Variants in TRPS1 observed in about 807,000 individuals in gnomAD.
TRPS1 encodes zinc finger transcription factor Trps1.
A neutral mutation model predicts 101.2 loss-of-function variants in TRPS1; 6 were observed. The observed-to-expected ratio is 0.06, with a 90% confidence interval of 0.03 to 0.12. The LOEUF (loss-of-function observed/expected upper bound fraction) is 0.12, where lower values mean the gene tolerates loss of function less well. TRPS1 is among the 10% of genes least tolerant of loss of function. The pLI, the probability that TRPS1 is intolerant of heterozygous loss-of-function variation, is 1.00. For synonymous variants in TRPS1, 578 were observed against 589.8 expected (o/e 0.98, Z 0.29); for missense variants, 1,363 against 1,567.0 (o/e 0.87, Z 2.20).
intron 5 of TRPS1, among the ~76,000 whole-genome samples, chr8:115,520,830 G>T (rs1815843172): frequency 1.3e-5 from 2 of 151,928 alleles, no homozygotes; most frequent in South Asian, 4.1e-4. Flanking sequence ...GCTTCAGAAG[G>T]TCACGTTCCT....
intron 5 of TRPS1, among the ~76,000 whole-genome samples, chr8:115,516,024 T>C (rs1367338283): frequency 6.6e-6 from 1 of 151,460 alleles, no homozygotes; most frequent in African/African-American, 2.4e-5. Flanking sequence ...AAACTGAGCA[T>C]ACTAGAGCAT....
At chr8:115,531,321 C>A (rs1816126713) in intron 5 of TRPS1, among the ~76,000 whole-genome samples, 2 of 152,064 alleles carry the variant, frequency 1.3e-5, no homozygotes, top group Admixed American at 1.3e-4. Flanking sequence ...TCAAAGTATT[C>A]TTGTAATCAA....
Position 115,413,186 on chromosome 8 carries a change from T to G in TRPS1, c.*837A>C, listed in dbSNP as rs1812829093. ...CCAACAGGAGGCTTAGAAAAGCAAA[T>G]CCATACTGGTTCATCACACACAAGA... On this transcript the variant is annotated 3_prime_UTR_variant, in exon 7 of 7. Coordinates refer to ENST00000395715, the MANE Select transcript of TRPS1 (RefSeq NM_014112.5). 6.6e-6 allele frequency: 1 copy of G among 151,992 alleles called. No homozygotes were observed. Among genetic ancestry groups the G allele is most frequent in the Non-Finnish European group, 1.5e-5 (1 of 67,984 alleles). 9.4% of individuals were successfully genotyped at this position (151,992 alleles called of 1,614,324 possible). A position where few individuals can be genotyped will look rare whatever the true frequency, so the allele number is the denominator to read the frequency against.
intron 1 of TRPS1, chr8:115,661,495 T>C (rs1811793691): frequency 6.6e-6 from 1 of 152,064 alleles, no homozygotes. Flanking sequence ...GGCAATTACA[T>C]TGCTAGAACT....
At chr8:115,557,795 C>T (rs762246914) in intron 5 of TRPS1, among the ~76,000 whole-genome samples, 50 of 152,252 alleles carry the variant, frequency 3.3e-4, no homozygotes, top group Non-Finnish European at 5.9e-4. Context: ...AAACATGACC[C>T]TTGCATGTCA....
chr8:115,570,432 T>C (rs1817173554), intron 5 of TRPS1, among the ~76,000 whole-genome samples: 2 of 152,058 alleles, frequency 1.3e-5, no homozygotes, highest in Non-Finnish European at 2.9e-5. Context: ...CCTCATATAA[T>C]TCTATTCCAT....
intron 5 of TRPS1, among the ~76,000 whole-genome samples, chr8:115,516,990 T>C (rs551901643): frequency 5.6e-4 from 85 of 151,214 alleles, no homozygotes; most frequent in Non-Finnish European, 1.1e-3. Context: ...GAGTGGTTAG[T>C]GGTTAAAAAA....
intron 3 of TRPS1, among the ~76,000 whole-genome samples, chr8:115,617,999 A>G (rs1818309124): frequency 6.6e-6 from 1 of 152,196 alleles, no homozygotes; most frequent in South Asian, 2.1e-4. Context: ...TCTTACAAGT[A>G]TTGCAAAATA....
chr8:115,573,779 T>C (rs1252446111), intron 5 of TRPS1, among the ~76,000 whole-genome samples: 2 of 152,186 alleles, frequency 1.3e-5, no homozygotes, highest in East Asian at 1.9e-4. Context: ...TACTATACTA[T>C]ACCTAACTTT....
At position 115,431,458 on chromosome 8, in the gene TRPS1, A is replaced by G. The variant is rs192889002; in HGVS notation, c.2701-13006T>C. On this transcript the variant is annotated intron_variant, in intron 5 of 6. Coordinates refer to ENST00000395715, the MANE Select transcript of TRPS1 (RefSeq NM_014112.5). ...TTACATCAATGACACATTTAAAAATATATGAATACATCTCTCCTCTCTTTC... is the reference window on the plus strand; with the variant it reads ...TTACATCAATGACACATTTAAAAATGTATGAATACATCTCTCCTCTCTTTC... 6.6e-4 allele frequency among the ~76,000 whole-genome samples: 101 copies of G among 152,166 alleles called. 1 individual carries two copies. Among genetic ancestry groups the G allele is most frequent in the Middle Eastern group, 3.4e-3 (1 of 294 alleles).
At chr8:115,509,796 T>C (rs1344056323) in intron 5 of TRPS1, 1 of 151,920 alleles carries the variant, frequency 6.6e-6, no homozygotes, top group Non-Finnish European at 1.5e-5. Context: ...CTTAGGAATT[T>C]TCCTTCCATC....
intron 4 of TRPS1, among the ~76,000 whole-genome samples, chr8:115,591,012 G>A (rs1436669929): frequency 2.0e-5 from 3 of 151,494 alleles, no homozygotes; most frequent in Admixed American, 2.0e-4. Context: ...AAGATCCTTT[G>A]CTTTAGGACA....
chr8:115,627,151 C>T (rs960302085), intron 1 of TRPS1, among the ~76,000 whole-genome samples: 1 of 151,544 alleles, frequency 6.6e-6, no homozygotes, highest in Non-Finnish European at 1.5e-5. Flanking sequence ...GCAAGAATAC[C>T]TCATGGAGCC....
intron 4 of TRPS1, among the ~76,000 whole-genome samples, chr8:115,590,499 C>T (rs1283066783): frequency 6.6e-6 from 1 of 152,154 alleles, no homozygotes; most frequent in African/African-American, 2.4e-5. Context: ...TTCAAGATAT[C>T]AAGACTGTAA....
At chr8:115,651,934 T>C (rs191280633) in intron 1 of TRPS1, among the ~76,000 whole-genome samples, 279 of 152,210 alleles carry the variant, frequency 1.8e-3, no homozygotes, top group Admixed American at 5.7e-3. Flanking sequence ...AAATTAAGGA[T>C]GATAAACAAG....
intron 5 of TRPS1, among the ~76,000 whole-genome samples, chr8:115,449,729 A>T (rs1256514638): frequency 6.6e-6 from 1 of 152,162 alleles, no homozygotes; most frequent in Non-Finnish European, 1.5e-5. Flanking sequence ...AGGTTTTCTT[A>T]TCTGCCTGTT....
At chr8:115,575,549 A>G (rs1050466570) in intron 5 of TRPS1, among the ~76,000 whole-genome samples, 1 of 152,110 alleles carries the variant, frequency 6.6e-6, no homozygotes, top group Non-Finnish European at 1.5e-5. Flanking sequence ...GATAGGAAAG[A>G]TAATGCCAAG....
intron 5 of TRPS1, among the ~76,000 whole-genome samples, chr8:115,551,101 A>T (rs1586393176): frequency 1.3e-5 from 2 of 152,226 alleles, no homozygotes; most frequent in East Asian, 3.8e-4. Flanking sequence ...AACAGGCACA[A>T]CACTGGAAGT....
At chr8:115,579,531 A>G (rs1464145139) in intron 5 of TRPS1, among the ~76,000 whole-genome samples, 1 of 152,132 alleles carries the variant, frequency 6.6e-6, no homozygotes, top group Non-Finnish European at 1.5e-5. Context: ...TTCACACAAA[A>G]TATCATTTTA....
Sources: gnomAD v4.1 joint callset for allele counts (sites outside exome capture counted in the v4.1 genomes callset) on GRCh38, gnomAD v4.1.1 for gene constraint, MANE v1.5 for transcripts, NCBI Gene and HGNC (gene_info 2026-07-23, HGNC 2026-07-21) for gene names.